The following TMEM143 variants were observed in gnomAD, a reference collection of about 807,000 sequenced individuals.
TMEM143 encodes transmembrane protein 143.
Under a neutral mutation model 40.3 loss-of-function variants are expected in TMEM143, and 45 were observed. The observed-to-expected ratio is 1.12, with a 90% CI of 0.88 to 1.43. The LOEUF is 1.43. TMEM143 is among the 40% of genes most tolerant of loss of function. The pLI, the probability that TMEM143 is intolerant of heterozygous loss-of-function variation, is 0.00. For synonymous variants in TMEM143, 299 were observed against 282.7 expected, an observed-to-expected ratio of 1.06 and a Z score of -0.58; for missense variants, 620 against 613.4, an observed-to-expected ratio of 1.01 and a Z score of -0.11.
rs1569022400 is a variant in TMEM143 at position 48,334,454 on chromosome 19, CTTTCTTTCTTTCTTTCTTTCTTTCTT to C, written c.976-283_976-258del. Among the ~76,000 whole-genome samples, 65 of 44,344 alleles carry C rather than the reference CTTTCTTTCTTTCTTTCTTTCTTTCTT, an allele frequency of 1.5e-3. 1 individual carries two copies. The Admixed American group carries it at 0.015, about 10-fold the overall frequency. The allele number at this position is 44,344 out of a possible 152,430, so 29.1% of individuals were successfully genotyped here. A position where few individuals can be genotyped will look rare whatever the true frequency, so the allele number is the denominator to read the frequency against. On this transcript the variant is annotated intron_variant, in intron 6 of 7. Coordinates refer to ENST00000293261, the MANE Select transcript of TMEM143 (RefSeq NM_018273.4). ...TCTTTCTTTCTTTCTTTCTTTCTTT[CTTTCTTTCTTTCTTTCTTTCTTTCTT>C]TTTCTTTCTTTCTTTCGTTCTTTCT...
At chr19:48,338,652 A>G (rs924523710) in intron 6 of TMEM143, among the ~76,000 whole-genome samples, 1 of 152,190 alleles carries the variant, frequency 6.6e-6, no homozygotes, top group African/African-American at 2.4e-5. Flanking sequence ...CGCCTCCATT[A>G]CAGACCGACT....
intron 1 of TMEM143, 87 bp from the exon 2 acceptor site, chr19:48,363,618 T>G: frequency 6.6e-7 from 1 of 1,504,228 alleles, no homozygotes; most frequent in Non-Finnish European, 8.9e-7. Flanking sequence ...CCAGAAGCCG[T>G]CTCTACCCCA....
Position 48,342,662 on chromosome 19 carries a change from G to C in TMEM143, c.843C>G (p.Leu281=). 1 of 1,614,116 alleles carries C rather than the reference G, an allele frequency of 6.2e-7. No individual in the cohort carries two copies. The highest frequency in any genetic ancestry group is 8.5e-7 in the Non-Finnish European group (1 of 1,180,016). The change falls in exon 6 of 8, where the codon CTC becomes CTG. Residue 281 remains leucine (L), a synonymous_variant. Transcript: ENST00000293261. ...VRTPTLQRAL[L]NLMLVVSGVA... ...CGCCGGAGACTACCAGCATGAGGTT[G>C]AGCAGGGCGCGCTGCAGGGTGGGCG...
rs767659851 is a variant in TMEM143 at position 48,345,148 on chromosome 19, G to A, written c.564+12C>T. 1.2e-6 allele frequency: 2 copies of A among 1,611,776 alleles called. No homozygotes were observed. The highest frequency in any genetic ancestry group is 2.2e-5 in the East Asian group (1 of 44,526). On this transcript the variant is annotated intron_variant, in intron 4 of 7. Transcript: ENST00000293261. ...CCTCCTGGGAGTTTTGTTCTCCTAGGGAGCCAAGTACCTGGACCTCATCCT... is the reference window on the plus strand; with the variant it reads ...CCTCCTGGGAGTTTTGTTCTCCTAGAGAGCCAAGTACCTGGACCTCATCCT...
chr19:48,361,673 G>A (rs1970043791), intron 2 of TMEM143, among the ~76,000 whole-genome samples: 1 of 152,084 alleles, frequency 6.6e-6, no homozygotes, highest in Admixed American at 6.6e-5. Flanking sequence ...GGGACTACAG[G>A]AGCCTGCCAC....
chr19:48,338,238 C>T (rs931831331), intron 6 of TMEM143, among the ~76,000 whole-genome samples: 1 of 152,182 alleles, frequency 6.6e-6, no homozygotes, highest in African/African-American at 2.4e-5. Flanking sequence ...CCCAGCTCAT[C>T]CTTGGCTCAG....
chr19:48,362,880 C>T (rs926298964), intron 2 of TMEM143, among the ~76,000 whole-genome samples: 1 of 152,144 alleles, frequency 6.6e-6, no homozygotes, highest in African/African-American at 2.4e-5. Context: ...TTCAACAATA[C>T]ATGAAAAATG....
rs912316599 is a variant in TMEM143 at position 48,345,345 on chromosome 19, C to T, written c.379G>A (p.Asp127Asn). The change falls in exon 4 of 8, where the codon GAC becomes AAC. Residue 127 changes from aspartate (D) to asparagine (N), a missense_variant. By Grantham distance (23) the Asp-to-Asn change is conservative. Transcript: ENST00000293261. The part of the protein sequence containing the change: ...QILARLQALY[D>N]PINPDRETLD... ...GTCTCCCTGTCAGGGTTGATGGGGT[C>T]ATATAAGGCCTAAGAGGAGAGTCAG... is the stretch of plus-strand genomic sequence containing the variant. The T allele has an allele frequency of 8.3e-6, 13 of 1,558,302 alleles. No individual in the cohort carries two copies. The South Asian group carries it at 1.6e-4, about 19-fold the overall frequency.
chr19:48,342,922 C>A, intron 5 of TMEM143, 113 bp from the exon 6 acceptor site: 7 of 1,293,972 alleles, frequency 5.4e-6, no homozygotes, highest in Non-Finnish European at 7.3e-6. Flanking sequence ...ATCTTAAAAG[C>A]GACTCAGTAA....
chr19:48,341,302 G>A (rs1205187271), intron 6 of TMEM143, among the ~76,000 whole-genome samples: 1 of 152,182 alleles, frequency 6.6e-6, no homozygotes, highest in Non-Finnish European at 1.5e-5. Flanking sequence ...CCTGGGCCAC[G>A]AATCCTTGGA....
At chr19:48,355,636 G>T (rs1486891542) in intron 3 of TMEM143, among the ~76,000 whole-genome samples, 1 of 152,216 alleles carries the variant, frequency 6.6e-6, no homozygotes. Context: ...AAAGCAAAGT[G>T]CGGAGCTGCA....
intron 3 of TMEM143, among the ~76,000 whole-genome samples, chr19:48,346,066 G>A (rs1442303384): frequency 6.7e-6 from 1 of 150,334 alleles, no homozygotes; most frequent in Non-Finnish European, 1.5e-5. Context: ...ACAGGCATGA[G>A]CCACCTTGCT....
chr19:48,345,219 G>A lies in TMEM143; in HGVS notation c.505C>T (p.Leu169=), dbSNP rs754862160. 12 of 1,613,474 alleles carry A rather than the reference G, an allele frequency of 7.4e-6. No individual in the cohort carries two copies. Among genetic ancestry groups the A allele is most frequent in the South Asian group, 4.4e-5 (4 of 91,076 alleles). ...GCGTAGGCCAGGGTGTCCTCAGACA[G>A]CGGGGAGAAGTTGGCCTGGGCCAGC... ...PLLAQANFSP[L]SEDTLAYALV... Residue 169 remains leucine (L), a synonymous_variant, in exon 4 of 8, where the codon CTG becomes TTG. Transcript: ENST00000293261.
intron 3 of TMEM143, among the ~76,000 whole-genome samples, chr19:48,357,447 G>A (rs999342824): frequency 3.4e-5 from 5 of 147,280 alleles, no homozygotes; most frequent in Non-Finnish European, 5.9e-5. Context: ...TCCGCCTCCC[G>A]GGTTCACGTC....
intron 3 of TMEM143, among the ~76,000 whole-genome samples, chr19:48,358,425 T>A (rs1474858215): frequency 6.6e-6 from 1 of 151,122 alleles, no homozygotes; most frequent in Non-Finnish European, 1.5e-5. Flanking sequence ...AATTCATAAA[T>A]AAATGGTAGC....
intron 6 of TMEM143, among the ~76,000 whole-genome samples, chr19:48,334,472 TTC>T (rs1969316274): frequency 5.1e-5 from 3 of 58,442 alleles, no homozygotes; most frequent in Non-Finnish European, 4.4e-5. Context: ...CTTTCTTTCT[TTC>T]TTTCTTTTTC....
chr19:48,355,976 C>A (rs976897089), intron 3 of TMEM143, among the ~76,000 whole-genome samples: 10 of 152,202 alleles, frequency 6.6e-5, no homozygotes, highest in Non-Finnish European at 1.3e-4. Flanking sequence ...ACAGGAGCAT[C>A]CCTGGTTGGC....
intron 2 of TMEM143, among the ~76,000 whole-genome samples, chr19:48,361,467 A>G (rs1230050759): frequency 6.6e-6 from 1 of 150,742 alleles, no homozygotes; most frequent in African/African-American, 2.4e-5. Flanking sequence ...ATCCACCTGC[A>G]TCGACTTCCC....
At chr19:48,345,379 AG>A (rs1490634405) in intron 3 of TMEM143, 25 bp from the exon 4 acceptor site, 10 of 1,508,098 alleles carry the variant, frequency 6.6e-6, no homozygotes, top group Non-Finnish European at 8.9e-6. Flanking sequence ...AGAGAGAAAA[AG>A]ATGGGATAGG....
Sources: allele counts gnomAD v4.1 joint callset (sites outside exome capture counted in the v4.1 genomes callset), GRCh38; gene constraint gnomAD v4.1.1; transcripts MANE v1.5; gene names NCBI Gene and HGNC (gene_info 2026-07-23, HGNC 2026-07-21).